Variants in EYS observed in about 807,000 individuals in gnomAD.
EYS encodes protein eyes shut homolog.
In EYS, 250 loss-of-function variants were observed where a neutral mutation model predicts 282.1. That is an observed-to-expected ratio of 0.89 (90% CI 0.80 to 0.98). The LOEUF (loss-of-function observed/expected upper bound fraction) is 0.98. Among genes scored for constraint, EYS ranks in the 50% least tolerant of loss-of-function variants. The probability of loss-of-function intolerance (pLI) is 0.00; values close to 1 mark genes in which losing one functional copy is unlikely to be tolerated. For synonymous variants in EYS, 1,355 were observed against 1,282.9 expected (o/e 1.06, Z -1.20); for missense variants, 4,016 against 3,709.0 (o/e 1.08, Z -2.15).
Position 63,806,245 on chromosome 6 carries a change from G to T in EYS, c.7356C>A (p.Asn2452Lys), listed in dbSNP as rs566843175. 9.0e-6 allele frequency: 14 copies of T among 1,551,612 alleles called. No homozygotes were observed. Among genetic ancestry groups the T allele is most frequent in the Middle Eastern group, 1.7e-4 (1 of 5,992 alleles). Residue 2452 changes from asparagine to lysine, a missense_variant, in exon 37 of 43, where the codon AAC (asparagine) becomes AAA (lysine). Asn to Lys is a moderately conservative substitution (Grantham distance 94, BLOSUM62 0). Transcript: ENST00000503581. ...YEFHLKFQLANNHSALQNNLI... is the reference protein window; with the variant it reads ...YEFHLKFQLAKNHSALQNNLI... ...AGTTATTTTGCAGTGCTGAGTGGTT[G>T]TTTGCCAGCTGAAACTTCAGGTGGA...
intron 12 of EYS, among the ~76,000 whole-genome samples, chr6:65,064,946 G>C (rs1237166793): frequency 6.6e-6 from 1 of 152,100 alleles, no homozygotes; most frequent in South Asian, 2.1e-4. Flanking sequence ...TCACAGAAAG[G>C]CTGATCCTTA....
chr6:65,087,465 G>T (rs1045858182), intron 12 of EYS, among the ~76,000 whole-genome samples: 6 of 152,054 alleles, frequency 3.9e-5, no homozygotes, highest in African/African-American at 1.4e-4. Context: ...CCACACATTG[G>T]CTTTATGATA....
chr6:65,414,557 G>A (rs1393767979), intron 5 of EYS, among the ~76,000 whole-genome samples: 1 of 151,892 alleles, frequency 6.6e-6, no homozygotes, highest in East Asian at 1.9e-4. Context: ...TAAAGTGAAG[G>A]AAAAGGAAAA....
intron 1 of EYS, among the ~76,000 whole-genome samples, chr6:65,682,577 A>G (rs1175993905): frequency 1.3e-5 from 2 of 151,998 alleles, no homozygotes; most frequent in Non-Finnish European, 2.9e-5. Context: ...TATTTAATAC[A>G]GTGTTCAACA....
chr6:64,979,805 TA>T (rs1770590994), intron 14 of EYS, among the ~76,000 whole-genome samples: 1 of 151,678 alleles, frequency 6.6e-6, no homozygotes, highest in Non-Finnish European at 1.5e-5. Flanking sequence ...AAATAAAGGA[TA>T]TTTTAAAAGA....
chr6:65,592,150 A>G (rs1317209672), intron 2 of EYS, among the ~76,000 whole-genome samples: 1 of 151,874 alleles, frequency 6.6e-6, no homozygotes, highest in Non-Finnish European at 1.5e-5. Context: ...TATAGCTTTC[A>G]CTTTTCATAG....
chr6:63,831,941 C>CA (rs1771651067), intron 36 of EYS, among the ~76,000 whole-genome samples: 1 of 152,088 alleles, frequency 6.6e-6, no homozygotes, highest in Admixed American at 6.5e-5. Flanking sequence ...TACATGGAAA[C>CA]TGAACAACCT....
chr6:64,444,522 T>C (rs1308415543), intron 26 of EYS, among the ~76,000 whole-genome samples: 1 of 152,208 alleles, frequency 6.6e-6, no homozygotes, highest in Non-Finnish European at 1.5e-5. Context: ...TCAGTGGCTT[T>C]TTCATTATGT....
At chr6:64,135,006 G>C (rs893751042) in intron 31 of EYS, among the ~76,000 whole-genome samples, 1 of 152,118 alleles carries the variant, frequency 6.6e-6, no homozygotes, top group African/African-American at 2.4e-5. Context: ...AGAAGCATCT[G>C]CAAGACAATA....
intron 22 of EYS, among the ~76,000 whole-genome samples, chr6:64,770,693 T>C (rs551351501): frequency 2.0e-5 from 3 of 152,030 alleles, no homozygotes; most frequent in African/African-American, 7.2e-5. Context: ...AAGTGCTCTT[T>C]AAAATGCATC....
At chr6:63,766,877 T>C (rs1255800306) in intron 40 of EYS, among the ~76,000 whole-genome samples, 1 of 151,918 alleles carries the variant, frequency 6.6e-6, no homozygotes, top group Non-Finnish European at 1.5e-5. Context: ...AGGGAAAACA[T>C]AAAGAATCCA....
chr6:65,635,226 C>T (rs1767044266), intron 2 of EYS, among the ~76,000 whole-genome samples: 1 of 152,156 alleles, frequency 6.6e-6, no homozygotes, highest in Admixed American at 6.5e-5. Flanking sequence ...CACAACTATG[C>T]CTCTTGTCAA....
intron 36 of EYS, among the ~76,000 whole-genome samples, chr6:63,858,093 G>A (rs1022529350): frequency 6.6e-6 from 1 of 152,136 alleles, no homozygotes; most frequent in Non-Finnish European, 1.5e-5. Context: ...TGTTCAAAGA[G>A]CTCAGGGACT....
intron 22 of EYS, among the ~76,000 whole-genome samples, chr6:64,762,971 T>G (rs1773209387): frequency 6.6e-6 from 1 of 152,198 alleles, no homozygotes; most frequent in African/African-American, 2.4e-5. Flanking sequence ...GCAAGTATAT[T>G]AATAAAGTTA....
intron 12 of EYS, among the ~76,000 whole-genome samples, chr6:65,075,091 T>C (rs1228247730): frequency 6.6e-6 from 1 of 152,208 alleles, no homozygotes; most frequent in East Asian, 1.9e-4. Context: ...CCACTCTACT[T>C]GTTATCTTCA....
chr6:64,042,140 A>G (rs1358391252), intron 33 of EYS, among the ~76,000 whole-genome samples: 2 of 152,242 alleles, frequency 1.3e-5, no homozygotes, highest in Non-Finnish European at 1.5e-5. Context: ...TTAAAAAAGT[A>G]AGAATTATAA....
At chr6:64,600,671 C>A (rs1025112087) in intron 24 of EYS, among the ~76,000 whole-genome samples, 3 of 152,016 alleles carry the variant, frequency 2.0e-5, no homozygotes, top group African/African-American at 7.2e-5. Flanking sequence ...ACTACCAGTG[C>A]CCCTAGGAAG....
chr6:64,131,949 G>A (rs948468077), intron 31 of EYS, among the ~76,000 whole-genome samples: 4 of 151,994 alleles, frequency 2.6e-5, no homozygotes, highest in African/African-American at 4.8e-5. Flanking sequence ...TTTTCTTCCC[G>A]AGCCTTCATT....
At chr6:64,904,317 T>C (rs570681979) in intron 16 of EYS, among the ~76,000 whole-genome samples, 1 of 152,326 alleles carries the variant, frequency 6.6e-6, no homozygotes, top group South Asian at 2.1e-4. Context: ...TTGTAATTCG[T>C]TCATACGCTA....
Sources: allele counts gnomAD v4.1 joint callset (sites outside exome capture counted in the v4.1 genomes callset), GRCh38; gene constraint gnomAD v4.1.1; transcripts MANE v1.5; gene names NCBI Gene and HGNC (gene_info 2026-07-23, HGNC 2026-07-21).